The following PSMF1 variants were observed in gnomAD, a reference collection of about 807,000 sequenced individuals.
PSMF1 encodes proteasome inhibitor PI31 subunit.
Under a neutral mutation model 29.3 loss-of-function variants are expected in PSMF1, and 30 were observed. The observed-to-expected ratio is 1.02, with a 90% CI of 0.77 to 1.39. The LOEUF (loss-of-function observed/expected upper bound fraction) is 1.39. Ranked by LOEUF, PSMF1 falls within the 40% of genes most tolerant of loss-of-function variation. The pLI is 0.00. For synonymous variants in PSMF1, 134 were observed against 139.7 expected (o/e 0.96, Z 0.29); for missense variants, 344 against 357.5 (o/e 0.96, Z 0.31).
intron 2 of PSMF1, among the ~76,000 whole-genome samples, chr20:1,126,877 T>TCAAAA (rs758363462): frequency 2.0e-5 from 3 of 152,040 alleles, no homozygotes; most frequent in Non-Finnish European, 2.9e-5. Context: ...AGCCTCTGTC[T>TCAAAA]CAAAACAAAA....
intron 4 of PSMF1, among the ~76,000 whole-genome samples, chr20:1,144,978 C>T (rs1451854584): frequency 2.0e-5 from 3 of 152,094 alleles, no homozygotes; most frequent in Admixed American, 1.3e-4. Context: ...CTCCGCCTCC[C>T]GGGTTCAAGC....
At chr20:1,117,400 C>A (rs941895756), upstream of PSMF1, among the ~76,000 whole-genome samples, 5 of 150,602 alleles carry the variant, frequency 3.3e-5, no homozygotes, top group East Asian at 1.9e-4. Flanking sequence ...TGCAATGGTG[C>A]GATCTTGGCT....
rs768474830 is a variant in PSMF1, at chr20:1,125,511, A to T, written c.143A>T (p.Asp48Val). Residue 48 changes from aspartate to valine, a missense_variant, in exon 2 of 7, where the codon GAT (aspartate) becomes GTT (valine). By Grantham distance (152) the Asp-to-Val change is radical. Transcript: ENST00000335877. ...LGVGDQPGPN[D>V]KKSELLPAGW... is the part of the protein sequence containing the mutation. ...TGGTCTTCCCAGCCGGGTCCCAATGATAAGAAGTCAGAACTGCTGCCAGCT... is the reference window on the plus strand; with the variant it reads ...TGGTCTTCCCAGCCGGGTCCCAATGTTAAGAAGTCAGAACTGCTGCCAGCT... The T allele has an allele frequency of 1.9e-6, 3 of 1,609,594 alleles. No individual in the cohort carries two copies. Among genetic ancestry groups the T allele is most frequent in the Non-Finnish European group, 2.5e-6 (3 of 1,177,968 alleles).
intron 1 of PSMF1, among the ~76,000 whole-genome samples, chr20:1,121,637 G>A (rs148751599): frequency 4.6e-5 from 7 of 152,278 alleles, no homozygotes; most frequent in African/African-American, 1.7e-4. Flanking sequence ...CCTTCTGGGG[G>A]TGATAAGAAG....
At position 1,149,871 on chromosome 20, in the gene PSMF1, A is replaced by G. The variant is rs189154739; in HGVS notation, c.552-13259A>G. Among the ~76,000 whole-genome samples the G allele has an allele frequency of 3.5e-3, 540 of 152,304 alleles. 1 individual carries two copies. The highest frequency in any genetic ancestry group is 5.1e-3 in the Non-Finnish European group (347 of 68,028). ...GGCAACATGGTGAAACTCTGTCTCT[A>G]TAAATTAGCTGGATGTGGTGGCGTG... is the stretch of plus-strand genomic sequence containing the variant. On this transcript the variant is annotated intron_variant, in intron 4 of 6. Coordinates refer to ENST00000335877, the MANE Select transcript of PSMF1 (RefSeq NM_006814.5).
chr20:1,126,833 C>G (rs544735218), intron 2 of PSMF1, among the ~76,000 whole-genome samples: 2 of 152,126 alleles, frequency 1.3e-5, no homozygotes, highest in African/African-American at 2.4e-5. Context: ...GAGCTGAGAT[C>G]GTGCCACTGA....
At chr20:1,152,027 C>T (rs1451832160) in intron 4 of PSMF1, among the ~76,000 whole-genome samples, 1 of 151,646 alleles carries the variant, frequency 6.6e-6, no homozygotes, top group Admixed American at 6.6e-5. Flanking sequence ...TGGGAGCCAT[C>T]AATGTTTTGA....
intron 3 of PSMF1, 134 bp from the exon 4 acceptor site, chr20:1,134,987 C>T (rs1260735582): frequency 1.2e-6 from 1 of 865,584 alleles, no homozygotes. Flanking sequence ...GGCCTGTTCC[C>T]CCACTTATAA....
At chr20:1,117,827 A>G (rs986156460), upstream of PSMF1, 1 of 152,214 alleles carries the variant, frequency 6.6e-6, no homozygotes, top group Non-Finnish European at 1.5e-5. Flanking sequence ...AAAAACAATA[A>G]GTGGATTTCA....
Position 1,132,969 on chromosome 20 carries a change from G to GTTTTTTTTT in PSMF1, c.366-2145_366-2137dup, listed in dbSNP as rs60189289. On this transcript the variant is annotated intron_variant, in intron 3 of 6. Coordinates refer to ENST00000335877, the MANE Select transcript of PSMF1 (RefSeq NM_006814.5). ...AATTCAAGGTGTTTAGGGTTTTTTT[G>GTTTTTTTTT]TTTTTTTTTTTTTTTGGTAGATTCC... Among the ~76,000 whole-genome samples, 7 of 134,106 alleles carry GTTTTTTTTT rather than the reference G, an allele frequency of 5.2e-5. 1 individual carries two copies. The highest frequency in any genetic ancestry group is 1.4e-4 in the African/African-American group (5 of 35,864). 88.0% of individuals were successfully genotyped at this position (134,106 alleles called of 152,430 possible). A position where few individuals can be genotyped will look rare whatever the true frequency, so the allele number is the denominator to read the frequency against.
chr20:1,113,693 T>C (rs769219278), upstream of PSMF1, among the ~76,000 whole-genome samples: 7 of 152,076 alleles, frequency 4.6e-5, no homozygotes, highest in Non-Finnish European at 1.0e-4. Context: ...TTCTTTTTTT[T>C]TGTTTTTTGG....
In PSMF1 at chr20:1,135,136, T is replaced by C; in HGVS notation, c.381T>C (p.Ser127=). The change falls in exon 4 of 7, where the codon AGT becomes AGC. Residue 127 remains serine, a synonymous_variant. Coordinates refer to ENST00000335877, the MANE Select transcript of PSMF1 (RefSeq NM_006814.5). ...CTTCCTGCAGGACCTACAAGAACAG[T>C]GAGGAGCTTCGGTCTCGTATTGTGT... ...LGDFHRTYKN[S]EELRSRIVSG... is the part of the protein sequence containing the mutation. 1 of 1,614,104 alleles carries C rather than the reference T, an allele frequency of 6.2e-7. No individual in the cohort carries two copies. The highest frequency in any genetic ancestry group is 1.1e-5 in the South Asian group (1 of 91,074).
intron 3 of PSMF1, among the ~76,000 whole-genome samples, chr20:1,127,907 C>T (rs1289060338): frequency 6.6e-6 from 1 of 152,192 alleles, no homozygotes; most frequent in Non-Finnish European, 1.5e-5. Context: ...GCAGAAAGTG[C>T]AGAGCATTCC....
chr20:1,167,999 CTTG>C lies in PSMF1; in HGVS notation c.*2922_*2924del, dbSNP rs2086751815. On this transcript the variant is annotated 3_prime_UTR_variant, in exon 7 of 7. Transcript: ENST00000335877. Reference sequence around the variant, plus strand: ...CAGTTTCCCCACATCTTCACCAACTCTTGTTATTTTTCATGCTTATGGCCATCC... The same window carrying C: ...CAGTTTCCCCACATCTTCACCAACTCTTATTTTTCATGCTTATGGCCATCC... 1 of 152,226 alleles carries C rather than the reference CTTG, an allele frequency of 6.6e-6. No individual in the cohort carries two copies. 9.4% of individuals were successfully genotyped at this position (152,226 alleles called of 1,614,324 possible).
intron 4 of PSMF1, among the ~76,000 whole-genome samples, chr20:1,151,472 C>CA (rs1465481581): frequency 5.9e-5 from 9 of 152,198 alleles, no homozygotes; most frequent in Admixed American, 5.9e-4. Context: ...GTATTTTACA[C>CA]AAGAGAAAGC....
intron 4 of PSMF1, among the ~76,000 whole-genome samples, chr20:1,155,999 T>A (rs1244310374): frequency 6.6e-6 from 1 of 152,214 alleles, no homozygotes; most frequent in Non-Finnish European, 1.5e-5. Flanking sequence ...GTGGCTATTA[T>A]GAAAATGCTC....
chr20:1,131,647 G>A (rs187479484), intron 3 of PSMF1, among the ~76,000 whole-genome samples: 1 of 152,292 alleles, frequency 6.6e-6, no homozygotes, highest in Admixed American at 6.5e-5. Flanking sequence ...TTAGGTCATT[G>A]TGGCATGTCT....
chr20:1,136,771 C>CA (rs2086312264), intron 4 of PSMF1, among the ~76,000 whole-genome samples: 1 of 152,180 alleles, frequency 6.6e-6, no homozygotes, highest in Admixed American at 6.5e-5. Flanking sequence ...TCAAATACCA[C>CA]AAAACTCTGT....
chr20:1,134,811 G>A (rs1568469609), intron 3 of PSMF1: 1 of 425,290 alleles, frequency 2.4e-6, no homozygotes, highest in Non-Finnish European at 4.5e-6. Context: ...GGGGTGAGGC[G>A]GGTGAGGACA....
Sources: allele counts gnomAD v4.1 joint callset (sites outside exome capture counted in the v4.1 genomes callset), GRCh38; gene constraint gnomAD v4.1.1; transcripts MANE v1.5; gene names NCBI Gene and HGNC (gene_info 2026-07-23, HGNC 2026-07-21).